ZMYM2: variants seen among roughly 807,000 people sequenced by gnomAD.
ZMYM2 encodes zinc finger MYM-type containing 2, also known as zinc finger MYM-type protein 2.
Under a neutral mutation model 162.8 loss-of-function variants are expected in ZMYM2, and 56 were observed. The observed-to-expected ratio is 0.34, with a 90% CI of 0.28 to 0.43. The LOEUF (loss-of-function observed/expected upper bound fraction) is 0.43, where lower values mean the gene tolerates loss of function less well. Ranked by LOEUF, ZMYM2 falls within the 20% of genes least tolerant of loss-of-function variation. ZMYM2 has a pLI of 1.00. For synonymous variants in ZMYM2, 510 were observed against 541.6 expected (o/e 0.94, Z 0.81); for missense variants, 1,275 against 1,621.8 (o/e 0.79, Z 3.67).
At chr13:19,895,076 C>CAAAAAAAAAAA in the ZMYM2 span, among the ~76,000 whole-genome samples, 1 of 83,750 alleles carries the variant, frequency 1.2e-5, no homozygotes, top group Non-Finnish European at 2.2e-5. Flanking sequence ...AACTCCATCT[C>CAAAAAAAAAAA]AAAAAAAAAA....
At chr13:19,895,694 G>T in the ZMYM2 span, among the ~76,000 whole-genome samples, 1 of 151,672 alleles carries the variant, frequency 6.6e-6, no homozygotes, top group Non-Finnish European at 1.5e-5. Flanking sequence ...CCCCTTAAAG[G>T]CCCCACCTCT....
intron 2 of ZMYM2, chr13:19,970,000 G>C: frequency 1.0e-6 from 1 of 982,958 alleles, no homozygotes; most frequent in Non-Finnish European, 1.2e-6. Flanking sequence ...TTTGCTTATT[G>C]ATGCAAGTAT....
chr13:19,989,857 G>A (rs1423904313), intron 2 of ZMYM2, among the ~76,000 whole-genome samples: 1 of 152,118 alleles, frequency 6.6e-6, no homozygotes, highest in African/African-American at 2.4e-5. Flanking sequence ...ACTTTTAAAA[G>A]TCATCAGTAT....
the ZMYM2 span, among the ~76,000 whole-genome samples, chr13:19,925,595 A>G: frequency 6.6e-6 from 1 of 152,068 alleles, no homozygotes; most frequent in African/African-American, 2.4e-5. Flanking sequence ...AATACTGGCC[A>G]GGTGCGGTGG....
chr13:20,006,394 T>A lies in ZMYM2; in HGVS notation c.1320T>A (p.Phe440Leu). ...TTTAGATTCGCCATGAAGTCAGCTTTAAAAATATGACTCATAAGCTGTGCA... is the reference window on the plus strand; with the variant it reads ...TTTAGATTCGCCATGAAGTCAGCTTAAAAAATATGACTCATAAGCTGTGCA... ...KLTEIRHEVS[F>L]KNMTHKLCSD... The change falls in exon 6 of 25, where the codon TTT (phenylalanine) becomes TTA (leucine). Residue 440 changes from phenylalanine to leucine, a missense_variant. This residue lies in a region of ZMYM2 where 276 missense variants were observed against 311.8 expected (regional missense o/e 0.89). Coordinates refer to ENST00000610343, the MANE Select transcript of ZMYM2 (RefSeq NM_197968.4). 6.3e-7 allele frequency: 1 copy of A among 1,591,820 alleles called. No homozygotes were observed. Among genetic ancestry groups the A allele is most frequent in the Non-Finnish European group, 8.6e-7 (1 of 1,168,312 alleles).
At chr13:19,882,780 G>A in the ZMYM2 span, among the ~76,000 whole-genome samples, 1 of 148,076 alleles carries the variant, frequency 6.8e-6, no homozygotes, top group Non-Finnish European at 1.5e-5. Context: ...CCACAATGAC[G>A]TGCGCCACTT....
At chr13:19,922,734 T>C in the ZMYM2 span, among the ~76,000 whole-genome samples, 62 of 151,912 alleles carry the variant, frequency 4.1e-4, no homozygotes, top group South Asian at 0.012. Context: ...GTCCCAGCTA[T>C]TCGGGAGGCT....
At chr13:20,040,213 G>A (rs904808752) in intron 12 of ZMYM2, among the ~76,000 whole-genome samples, 3 of 152,098 alleles carry the variant, frequency 2.0e-5, no homozygotes, top group Non-Finnish European at 4.4e-5. Context: ...AATCCATCTG[G>A]TCCTGGACTT....
rs553595816 is a variant in ZMYM2 at position 20,054,493 on chromosome 13, G to A, written c.2493+2182G>A. ...AGTCCTACCTTTTGTGGTGGTAGGA[G>A]TATGCAATAAGATTTGGTGCTTTTC... On this transcript the variant is annotated intron_variant, in intron 14 of 24. Transcript: ENST00000610343. 2.0e-5 allele frequency among the ~76,000 whole-genome samples: 3 copies of A among 152,290 alleles called. No homozygotes were observed. In the East Asian group the frequency reaches 5.8e-4, roughly 29 times the overall value.
intron 19 of ZMYM2, among the ~76,000 whole-genome samples, chr13:20,065,139 C>T (rs949057082): frequency 2.6e-5 from 4 of 152,094 alleles, no homozygotes; most frequent in Non-Finnish European, 4.4e-5. Flanking sequence ...TGTCAACTTT[C>T]TGTGTTTCTG....
intron 12 of ZMYM2, among the ~76,000 whole-genome samples, chr13:20,038,063 G>A (rs1397313451): frequency 6.6e-6 from 1 of 152,104 alleles, no homozygotes; most frequent in Non-Finnish European, 1.5e-5. Flanking sequence ...TTCTTTTCCT[G>A]TGTTAGTTTG....
At chr13:19,911,569 G>C in the ZMYM2 span, among the ~76,000 whole-genome samples, 2 of 152,178 alleles carry the variant, frequency 1.3e-5, no homozygotes, top group Non-Finnish European at 2.9e-5. Flanking sequence ...GGGTTTACTG[G>C]ACACTGACTG....
At chr13:20,019,106 CAAAA>C (rs67352152) in intron 6 of ZMYM2, among the ~76,000 whole-genome samples, 17 of 134,940 alleles carry the variant, frequency 1.3e-4, no homozygotes, top group Admixed American at 4.6e-4. Flanking sequence ...ACAACAACAA[CAAAA>C]AAAAACAATT....
intron 7 of ZMYM2, among the ~76,000 whole-genome samples, chr13:20,021,286 A>G (rs919100337): frequency 6.7e-6 from 1 of 148,246 alleles, no homozygotes; most frequent in Non-Finnish European, 1.5e-5. Flanking sequence ...TACTGTTTTC[A>G]TATCTGCCAT....
Position 20,085,804 on chromosome 13 carries a change from T to A in ZMYM2, c.3942-18T>A, listed in dbSNP as rs768505326. 1.3e-6 allele frequency: 2 copies of A among 1,568,252 alleles called. No individual in the cohort carries two copies. The highest frequency in any genetic ancestry group is 2.8e-5 in the African/African-American group (2 of 72,472). ...TTTGTGAAATTGACTTTTTCTCTTT[T>A]TCCTCCCGCCTCCAAAGTCCACAGA... is the stretch of plus-strand genomic sequence containing the variant. On this transcript the variant is annotated intron_variant, in intron 24 of 24. Transcript: ENST00000610343.
intron 2 of ZMYM2, among the ~76,000 whole-genome samples, chr13:19,973,061 C>T (rs1004361522): frequency 1.1e-4 from 17 of 151,652 alleles, no homozygotes; most frequent in African/African-American, 2.7e-4. Context: ...CTCAGCCTCC[C>T]GAGTAGCTGG....
At chr13:19,937,073 A>G in the ZMYM2 span, among the ~76,000 whole-genome samples, 2 of 152,078 alleles carry the variant, frequency 1.3e-5, no homozygotes, top group Admixed American at 1.3e-4. Context: ...GTAATATTAA[A>G]TATAATTAAA....
intron 15 of ZMYM2, 159 bp downstream of exon 15, chr13:20,058,863 A>G (rs1300072846): frequency 2.2e-6 from 2 of 900,658 alleles, no homozygotes; most frequent in African/African-American, 1.6e-5. Flanking sequence ...TACCTGGAGA[A>G]TACAGCATCT....
chr13:19,978,797 T>C (rs370354466), intron 2 of ZMYM2, among the ~76,000 whole-genome samples: 2 of 152,324 alleles, frequency 1.3e-5, no homozygotes, highest in Non-Finnish European at 2.9e-5. Context: ...CGCTGACTTT[T>C]CTGTTTTATC....
Sources: allele counts gnomAD v4.1 joint callset (sites outside exome capture counted in the v4.1 genomes callset), GRCh38; gene constraint gnomAD v4.1.1; regional missense constraint gnomAD v4.1.1; transcripts MANE v1.5; gene names NCBI Gene and HGNC (gene_info 2026-07-23, HGNC 2026-07-21).